CUEDC1: variants seen among roughly 807,000 people sequenced by gnomAD.
The protein encoded by CUEDC1 is CUE domain-containing protein 1.
In CUEDC1, 30 loss-of-function variants were observed where a neutral mutation model predicts 43.7. The ratio of observed to expected loss-of-function variants is 0.69; its 90% CI spans 0.51 to 0.93. The LOEUF (loss-of-function observed/expected upper bound fraction) is 0.93. CUEDC1 is among the 40% of genes least tolerant of loss of function. CUEDC1 has a pLI of 0.00. For synonymous variants in CUEDC1, 223 were observed against 223.6 expected (o/e 1.00, Z 0.02); for missense variants, 486 against 549.0 (o/e 0.89, Z 1.15).
chr17:57,874,250 C>T (rs2074078146), intron 3 of CUEDC1, among the ~76,000 whole-genome samples: 1 of 152,204 alleles, frequency 6.6e-6, no homozygotes, highest in African/African-American at 2.4e-5. Flanking sequence ...CTGGCTCAAC[C>T]ACCAGCCGGC....
At chr17:57,924,389 C>T (rs2074726296) in intron 1 of CUEDC1, among the ~76,000 whole-genome samples, 1 of 152,088 alleles carries the variant, frequency 6.6e-6, no homozygotes, top group African/African-American at 2.4e-5. Context: ...TAGGCGTGAG[C>T]CACCGCGCCG....
chr17:57,951,011 A>C (rs893645550), intron 1 of CUEDC1, among the ~76,000 whole-genome samples: 6 of 151,992 alleles, frequency 3.9e-5, no homozygotes, highest in Admixed American at 3.3e-4. Context: ...TTCTGCCCCC[A>C]AATATGCTTA....
chr17:57,908,032 C>T (rs796362992), intron 1 of CUEDC1, among the ~76,000 whole-genome samples: 1 of 152,044 alleles, frequency 6.6e-6, no homozygotes, highest in African/African-American at 2.4e-5. Flanking sequence ...CTCGTTCACA[C>T]ACGCATGCCC....
At chr17:57,865,383 AT>A (rs2144905369) in intron 10 of CUEDC1, among the ~76,000 whole-genome samples, 1 of 152,232 alleles carries the variant, frequency 6.6e-6, no homozygotes, top group East Asian at 1.9e-4. Flanking sequence ...GGGCACTTGT[AT>A]TTACTTGTTC....
chr17:57,879,482 G>T, intron 3 of CUEDC1, 129 bp downstream of exon 3: 2 of 1,234,784 alleles, frequency 1.6e-6, no homozygotes, highest in Non-Finnish European at 2.1e-6. Flanking sequence ...AATGTCTCTT[G>T]CTGCAGTAGA....
At chr17:57,936,123 C>G (rs71372822) in intron 1 of CUEDC1, among the ~76,000 whole-genome samples, 2 of 152,230 alleles carry the variant, frequency 1.3e-5, no homozygotes, top group South Asian at 2.1e-4. Context: ...GGTCTCTCCT[C>G]TCAGCCTCAA....
At chr17:57,904,756 G>A (rs1386695353) in intron 1 of CUEDC1, among the ~76,000 whole-genome samples, 1 of 152,098 alleles carries the variant, frequency 6.6e-6, no homozygotes, top group Non-Finnish European at 1.5e-5. Context: ...TGGGGGGATC[G>A]CCCTACCGTA....
chr17:57,942,474 C>T (rs552691507), intron 1 of CUEDC1, among the ~76,000 whole-genome samples: 6 of 152,026 alleles, frequency 3.9e-5, no homozygotes, highest in Admixed American at 6.5e-5. Flanking sequence ...CTGCAACCTC[C>T]GCCTCCTGGG....
At chr17:57,911,492 CTCTTTTT>C (rs915293461) in intron 1 of CUEDC1, among the ~76,000 whole-genome samples, 18 of 152,226 alleles carry the variant, frequency 1.2e-4, no homozygotes, top group Admixed American at 8.5e-4. Flanking sequence ...CCTACCAGCT[CTCTTTTT>C]TCTTTTTTCT....
At chr17:57,923,062 GC>G (rs1404812431) in intron 1 of CUEDC1, among the ~76,000 whole-genome samples, 1 of 152,046 alleles carries the variant, frequency 6.6e-6, no homozygotes, top group Non-Finnish European at 1.5e-5. Context: ...CTGAGCTCAA[GC>G]AATCCATCCA....
At chr17:57,905,141 G>A (rs1336342825) in intron 1 of CUEDC1, among the ~76,000 whole-genome samples, 2 of 152,072 alleles carry the variant, frequency 1.3e-5, no homozygotes, top group African/African-American at 2.4e-5. Context: ...CTGAGCGAAT[G>A]AGGGGGCTGC....
At chr17:57,938,580 C>G (rs1277295387) in intron 1 of CUEDC1, among the ~76,000 whole-genome samples, 1 of 152,252 alleles carries the variant, frequency 6.6e-6, no homozygotes, top group East Asian at 1.9e-4. Flanking sequence ...AGACATTACC[C>G]AGCCAGCTCA....
At position 57,928,287 on chromosome 17, in the gene CUEDC1, C is replaced by T. The variant is rs144786356; in HGVS notation, c.-316+26938G>A. ...TAGGGCCGATGGGCGTGGTGGCTCA[C>T]GCCTATAATCCCAGCACTTTGGGAG... On this transcript the variant is annotated intron_variant, in intron 1 of 10. Transcript: ENST00000577830. Among the ~76,000 whole-genome samples the T allele has an allele frequency of 2.7e-4, 41 of 152,276 alleles. No homozygotes were observed. The East Asian group carries it at 5.8e-3, about 21-fold the overall frequency.
chr17:57,883,012 A>G (rs2074235993), intron 2 of CUEDC1, among the ~76,000 whole-genome samples: 1 of 152,112 alleles, frequency 6.6e-6, no homozygotes, highest in African/African-American at 2.4e-5. Flanking sequence ...GCATTGTTCA[A>G]TGGTCAACTG....
At chr17:57,913,092 G>A (rs1448561298) in intron 1 of CUEDC1, among the ~76,000 whole-genome samples, 3 of 152,056 alleles carry the variant, frequency 2.0e-5, no homozygotes, top group African/African-American at 4.8e-5. Context: ...TTGGGAGGCC[G>A]AGGCGGGTGG....
At position 57,873,535 on chromosome 17, in the gene CUEDC1, A is replaced by C. The variant is rs2074065446; in HGVS notation, c.591+56T>G. On this transcript the variant is annotated intron_variant, in intron 4 of 10. Transcript: ENST00000577830. ...ACTGGCTGGCACAAATTGTGTGGGC[A>C]AAGAGAGATGCTGGACAAGCAGGTG... 6 of 1,491,590 alleles carry C rather than the reference A, an allele frequency of 4.0e-6. No homozygotes were observed. The East Asian group carries it at 1.5e-4, about 38-fold the overall frequency. The allele number at this position is 1,491,590 out of a possible 1,614,324, so 92.4% of individuals were successfully genotyped here.
intron 1 of CUEDC1, among the ~76,000 whole-genome samples, chr17:57,942,659 T>TA (rs1216470553): frequency 6.6e-6 from 1 of 151,628 alleles, no homozygotes; most frequent in Non-Finnish European, 1.5e-5. Flanking sequence ...AAAGTGCTGG[T>TA]ATTACAGGCG....
Position 57,868,237 on chromosome 17 carries a change from C to G in CUEDC1, c.947G>C (p.Arg316Pro). 6.2e-7 allele frequency: 1 copy of G among 1,614,124 alleles called. No individual in the cohort carries two copies. The highest frequency in any genetic ancestry group is 1.3e-5 in the African/African-American group (1 of 75,012). Reference protein sequence around the residue: ...DKLKHMGKSTRRKLFELARAF... With the variant: ...DKLKHMGKSTPRKLFELARAF... ...TCGGGCAAGTTCAAACAGTTTCCTC[C>G]GGGTGGCTGGGGGCAGAGAGACCTG... The change falls in exon 8 of 11, where the codon CGG (arginine) becomes CCG (proline). Residue 316 changes from arginine to proline, a missense_variant. Coordinates refer to ENST00000577830, the MANE Select transcript of CUEDC1 (RefSeq NM_001271875.2).
intron 2 of CUEDC1, 137 bp downstream of exon 2, chr17:57,885,092 T>G: frequency 7.0e-7 from 1 of 1,422,138 alleles, no homozygotes. Context: ...TGCTTGCTAA[T>G]TAGAACCCAG....
Sources: allele counts gnomAD v4.1 joint callset (sites outside exome capture counted in the v4.1 genomes callset), GRCh38; gene constraint gnomAD v4.1.1; transcripts MANE v1.5; gene names NCBI Gene and HGNC (gene_info 2026-07-23, HGNC 2026-07-21).